GPHN: variants seen among roughly 807,000 people sequenced by gnomAD.
GPHN encodes gephyrin.
GPHN carries 17 observed loss-of-function variants against 95.5 expected under a neutral mutation model. The observed-to-expected ratio is 0.18, with a 90% confidence interval of 0.12 to 0.27. GPHN has a LOEUF of 0.27. Among genes scored for constraint, GPHN ranks in the 10% least tolerant of loss-of-function variants. The pLI, the probability that GPHN is intolerant of heterozygous loss-of-function variation, is 1.00. For missense variants in GPHN, 660 were observed against 978.1 expected (o/e 0.67, Z 4.34); for synonymous variants, 320 against 322.5 (o/e 0.99, Z 0.08).
chr14:66,687,541 T>G (rs1462871458), intron 2 of GPHN, among the ~76,000 whole-genome samples: 1 of 146,372 alleles, frequency 6.8e-6, no homozygotes, highest in Non-Finnish European at 1.5e-5. Flanking sequence ...CAGGCTGGAG[T>G]GCAATGGCAC....
chr14:67,618,167 A>C, the GPHN span, among the ~76,000 whole-genome samples: 1 of 152,168 alleles, frequency 6.6e-6, no homozygotes, highest in African/African-American at 2.4e-5. Context: ...CAATGAACTG[A>C]ACAAGTATGA....
At chr14:66,728,479 C>T (rs2071456541) in intron 2 of GPHN, among the ~76,000 whole-genome samples, 1 of 152,218 alleles carries the variant, frequency 6.6e-6, no homozygotes. Flanking sequence ...CTGTACCCTG[C>T]AAAGCCACAG....
the GPHN span, among the ~76,000 whole-genome samples, chr14:67,486,739 C>T: frequency 3.9e-5 from 6 of 152,156 alleles, no homozygotes; most frequent in South Asian, 2.1e-4. Flanking sequence ...TCCACTCTTA[C>T]GTATGTCTTT....
chr14:66,898,365 G>T (rs1283330343), intron 5 of GPHN, among the ~76,000 whole-genome samples: 2 of 141,970 alleles, frequency 1.4e-5, no homozygotes, highest in Admixed American at 7.5e-5. Context: ...CATTTGAGTT[G>T]ATTTTTTTCT....
intron 8 of GPHN, among the ~76,000 whole-genome samples, chr14:66,951,514 CAAA>C (rs34837551): frequency 7.8e-5 from 5 of 63,850 alleles, no homozygotes; most frequent in African/African-American, 5.9e-5. Context: ...AACTTCATCT[CAAA>C]AAAAAAAAAA....
At position 66,776,636 on chromosome 14, in the gene GPHN, T is replaced by A. The variant is rs962151304; in HGVS notation, c.201+115T>A. 9 of 758,560 alleles carry A rather than the reference T, an allele frequency of 1.2e-5. No individual in the cohort carries two copies. In the South Asian group the frequency reaches 1.3e-4, roughly 11 times the overall value. 47.0% of individuals were successfully genotyped at this position (758,560 alleles called of 1,614,324 possible). ...TGGCTATGTTAGAATATTATTTAAT[T>A]CTCAGTTATCATAGTGAATTAAAAA... On this transcript the variant is annotated intron_variant, in intron 3 of 22. Transcript: ENST00000478722.
intron 2 of GPHN, among the ~76,000 whole-genome samples, chr14:66,699,243 T>A (rs182177803): frequency 1.3e-5 from 2 of 152,230 alleles, no homozygotes; most frequent in African/African-American, 4.8e-5. Flanking sequence ...GAGATATATC[T>A]AATGCTAAAT....
intron 4 of GPHN, among the ~76,000 whole-genome samples, chr14:66,850,189 A>G (rs1281686252): frequency 6.6e-6 from 1 of 152,184 alleles, no homozygotes; most frequent in African/African-American, 2.4e-5. Context: ...AAAATAATGT[A>G]TAATTTGGAC....
chr14:67,045,423 GTCTT>G (rs1472903120), intron 10 of GPHN, among the ~76,000 whole-genome samples: 7 of 142,854 alleles, frequency 4.9e-5, no homozygotes, highest in Non-Finnish European at 9.2e-5. Flanking sequence ...TCTCTCTCTT[GTCTT>G]TCTGTCTTTG....
intron 11 of GPHN, among the ~76,000 whole-genome samples, chr14:67,065,874 G>C (rs910381446): frequency 2.6e-5 from 4 of 151,884 alleles, no homozygotes; most frequent in Non-Finnish European, 5.9e-5. Context: ...CATTGATGGG[G>C]CTTGACTCTT....
intron 1 of GPHN, among the ~76,000 whole-genome samples, chr14:66,609,447 C>A (rs751648541): frequency 1.3e-5 from 2 of 152,044 alleles, no homozygotes; most frequent in Non-Finnish European, 1.5e-5. Context: ...GTATAAAACT[C>A]ACAAGAGTTT....
At chr14:66,926,519 A>G (rs1259904557) in intron 8 of GPHN, among the ~76,000 whole-genome samples, 1 of 152,130 alleles carries the variant, frequency 6.6e-6, no homozygotes, top group Non-Finnish European at 1.5e-5. Context: ...TCCTTTCCCC[A>G]ATGTATGTTC....
At chr14:67,204,316 G>A in the GPHN span, among the ~76,000 whole-genome samples, 1 of 152,032 alleles carries the variant, frequency 6.6e-6, no homozygotes, top group South Asian at 2.1e-4. Flanking sequence ...GTACATATCT[G>A]TTGTCCCAGC....
At chr14:67,108,388 G>A (rs886155412) in intron 13 of GPHN, among the ~76,000 whole-genome samples, 1 of 152,260 alleles carries the variant, frequency 6.6e-6, no homozygotes, top group Admixed American at 6.5e-5. Context: ...CGCCAAAGTG[G>A]TGGGAAACTG....
At chr14:67,346,490 T>C in the GPHN span, among the ~76,000 whole-genome samples, 1 of 152,254 alleles carries the variant, frequency 6.6e-6, no homozygotes. Context: ...TTTTGTAACT[T>C]TTTGGGTGGA....
chr14:67,401,741 T>G, the GPHN span, among the ~76,000 whole-genome samples: 1 of 152,210 alleles, frequency 6.6e-6, no homozygotes, highest in Non-Finnish European at 1.5e-5. Context: ...TATTTAGTTA[T>G]AGCAGCCCTC....
intron 17 of GPHN, among the ~76,000 whole-genome samples, chr14:67,131,316 T>C (rs900647624): frequency 7.9e-5 from 12 of 152,118 alleles, no homozygotes; most frequent in African/African-American, 2.9e-4. Flanking sequence ...CAGGGTTGTT[T>C]TCTTTCCCAC....
intron 5 of GPHN, among the ~76,000 whole-genome samples, chr14:66,898,466 T>TAAA (rs59434196): frequency 0.011 from 998 of 91,720 alleles, 17 homozygotes; most frequent in East Asian, 0.019. Flanking sequence ...GCTACTTGTT[T>TAAA]AAAAAAAAAA....
the GPHN span, among the ~76,000 whole-genome samples, chr14:67,330,225 CTT>C: frequency 6.6e-6 from 1 of 150,574 alleles, no homozygotes. Flanking sequence ...GGGCATTTGT[CTT>C]TATTGTCTCT....
Sources: gnomAD v4.1 joint callset for allele counts (sites outside exome capture counted in the v4.1 genomes callset) on GRCh38, gnomAD v4.1.1 for gene constraint, MANE v1.5 for transcripts, NCBI Gene and HGNC (gene_info 2026-07-23, HGNC 2026-07-21) for gene names.